The following CYBB variants were observed in gnomAD, a reference collection of about 807,000 sequenced individuals.
CYBB encodes NADPH oxidase 2.
In CYBB, 5 loss-of-function variants were observed where a neutral mutation model predicts 46.5. The ratio of observed to expected loss-of-function variants is 0.11; its 90% CI spans 0.06 to 0.23. The LOEUF is 0.23. Ranked by LOEUF, CYBB falls within the 10% of genes least tolerant of loss-of-function variation. The pLI, the probability that CYBB is intolerant of heterozygous loss-of-function variation, is 1.00. For synonymous variants in CYBB, 183 were observed against 156.7 expected (o/e 1.17, Z -1.26); for missense variants, 307 against 428.3 (o/e 0.72, Z 2.50).
chrX:37,792,804 A>G (rs1475567374), intron 4 of CYBB, among the ~76,000 whole-genome samples: 1 of 110,938 alleles, frequency 9.0e-6, no homozygotes, highest in East Asian at 2.8e-4. Context: ...CTCTTCTACT[A>G]GTAGATCTGG....
chrX:37,805,125 G>A lies in CYBB; in HGVS notation c.1271G>A (p.Trp424Ter), dbSNP rs2146818057. 1 of 1,211,181 alleles carries A rather than the reference G, an allele frequency of 8.3e-7. No homozygotes were observed. Among genetic ancestry groups the A allele is most frequent in the Non-Finnish European group, 1.1e-6 (1 of 895,142 alleles). The change falls in exon 10 of 13, where the codon TGG (tryptophan) becomes TAG (stop). Residue 424 changes from tryptophan to a stop codon, truncating the protein, a stop_gained. Transcript: ENST00000378588. LOFTEE classifies it high-confidence loss of function. The part of the protein sequence containing the change: ...TPFASILKSV[W>*]YKYCNNATNL... ...TTCGCATCCATTCTCAAGTCAGTCT[G>A]GTACAAATATTGCAATAACGCCACC... is the stretch of plus-strand genomic sequence containing the variant.
In CYBB at chrX:37,795,987, T is replaced by G; in HGVS notation, c.520T>G (p.Leu174Val). ...AGGCCTGTACCTGGCTGTGACCCTG[T>G]TGGCAGGCATCACTGGAGTTGTCAT... The part of the protein sequence containing the change: ...EGGLYLAVTL[L>V]AGITGVVITL... The change falls in exon 6 of 13, where the codon TTG becomes GTG. Residue 174 changes from leucine (L) to valine (V), a missense_variant. Physicochemically the swap from Leu to Val is conservative, Grantham distance 32 (BLOSUM62 1). Around this residue, in one of 3 missense-constraint regions of CYBB, gnomAD observed 103 missense variants for 150.2 expected, o/e 0.69. Transcript: ENST00000378588. 1 of 1,208,858 alleles carries G rather than the reference T, an allele frequency of 8.3e-7. No homozygotes were observed. Among genetic ancestry groups the G allele is most frequent in the Non-Finnish European group, 1.1e-6 (1 of 893,882 alleles).
chrX:37,788,388 C>T (rs1248565558), intron 3 of CYBB, among the ~76,000 whole-genome samples: 2 of 111,760 alleles, frequency 1.8e-5, no homozygotes, highest in Non-Finnish European at 1.9e-5. Context: ...ATGATCATCT[C>T]CAGTTCCAGG....
chrX:37,808,464 T>G (rs1556472352), intron 11 of CYBB, among the ~76,000 whole-genome samples: 2 of 112,210 alleles, frequency 1.8e-5, no homozygotes, highest in African/African-American at 6.5e-5. Flanking sequence ...CTGTAGCAAC[T>G]GGGCATACAT....
chrX:37,793,563 C>A, intron 4 of CYBB, 102 bp from the exon 5 acceptor site: 1 of 938,171 alleles, frequency 1.1e-6, no homozygotes, highest in Non-Finnish European at 1.5e-6. Flanking sequence ...CTTTGTCTCC[C>A]TGTGGCTTAT....
intron 8 of CYBB, among the ~76,000 whole-genome samples, chrX:37,801,876 A>C (rs1185002406): frequency 9.0e-6 from 1 of 110,762 alleles, no homozygotes; most frequent in Non-Finnish European, 1.9e-5. Context: ...TGAAGTGCCC[A>C]AAATTTCAAC....
Position 37,805,180 on chromosome X carries a change from C to A in CYBB, c.1314+12C>A, listed in dbSNP as rs782580197. 3 of 1,207,415 alleles carry A rather than the reference C, an allele frequency of 2.5e-6. No individual in the cohort carries two copies. The highest frequency in any genetic ancestry group is 5.9e-5 in the East Asian group (2 of 33,785). On this transcript the variant is annotated intron_variant, in intron 10 of 12. Transcript: ENST00000378588. ...TGAAGCTCAAAAAGGTAAGTCCTTT[C>A]ATTTATCGGAGGGCCTTAGAGCAGT...
chrX:37,791,652 A>C lies in CYBB; in HGVS notation c.253-323A>C, dbSNP rs34077421. ...AATGAGTAAATTAATCAGAACTAGA[A>C]ACTATGTAGCTAGATATGTTTTTTG... is the stretch of plus-strand genomic sequence containing the variant. On this transcript the variant is annotated intron_variant, in intron 3 of 12. Transcript: ENST00000378588. 6.3e-3 allele frequency among the ~76,000 whole-genome samples: 705 copies of C among 112,180 alleles called. 4 individuals carry two copies. The highest frequency in any genetic ancestry group is 0.022 in the African/African-American group (681 of 30,929).
chrX:37,809,742 G>A (rs1556472754), intron 12 of CYBB, 51 bp downstream of exon 12: 4 of 1,173,150 alleles, frequency 3.4e-6, no homozygotes, highest in African/African-American at 3.5e-5. Context: ...TGCCTAAAGC[G>A]GCAGCCCCTA....
At chrX:37,783,348 C>T (rs1928993731) in intron 2 of CYBB, 142 bp from the exon 3 acceptor site, 6 of 492,387 alleles carry the variant, frequency 1.2e-5, no homozygotes, top group South Asian at 5.6e-5. Context: ...TAAAGGAAAA[C>T]CGTTGGCTCT....
Position 37,795,877 on chromosome X carries a change from T to A in CYBB, c.484-74T>A, listed in dbSNP as rs1011068948. ...TCCTGCATTTGAGAACCTATAATAT[T>A]GTGCTTGCGCACATGTGTGTGTGTG... On this transcript the variant is annotated intron_variant, in intron 5 of 12. Transcript: ENST00000378588. The A allele has an allele frequency of 3.8e-6, 3 of 789,180 alleles. No individual in the cohort carries two copies. The African/African-American group carries it at 6.1e-5, about 16-fold the overall frequency. 65.0% of individuals were successfully genotyped at this position (789,180 alleles called of 1,213,427 possible). A position where few individuals can be genotyped will look rare whatever the true frequency, so the allele number is the denominator to read the frequency against.
chrX:37,806,896 C>CTCTGTGTG (rs782587393), intron 11 of CYBB, among the ~76,000 whole-genome samples: 24 of 106,388 alleles, frequency 2.3e-4, no homozygotes, highest in African/African-American at 8.0e-4. Context: ...CTCTCTGTCT[C>CTCTGTGTG]TGTGTGTGTG....
rs994561671 is a variant in CYBB, at chrX:37,791,900, T to C, written c.253-75T>C. The C allele has an allele frequency of 2.8e-5, 20 of 722,588 alleles. No individual in the cohort carries two copies. The African/African-American group carries it at 4.2e-4, about 15-fold the overall frequency. The allele number at this position is 722,588 out of a possible 1,213,427, so 59.5% of individuals were successfully genotyped here. ...GTCATGAAAATTAAATGAGATAATA[T>C]GTATCAAATGTTTGACACATAGCAA... On this transcript the variant is annotated intron_variant, in intron 3 of 12. Coordinates refer to ENST00000378588, the MANE Select transcript of CYBB (RefSeq NM_000397.4).
At chrX:37,793,606 T>C in intron 4 of CYBB, 59 bp from the exon 5 acceptor site, 1 of 1,164,420 alleles carries the variant, frequency 8.6e-7, no homozygotes, top group Non-Finnish European at 1.2e-6. Context: ...GAAACCCAGC[T>C]TACAATAAAT....
At chrX:37,799,779 T>A (rs907919852) in intron 7 of CYBB, among the ~76,000 whole-genome samples, 1 of 111,908 alleles carries the variant, frequency 8.9e-6, no homozygotes, top group African/African-American at 3.2e-5. Context: ...AATCTTCATA[T>A]CATTTTCCCC....
intron 3 of CYBB, among the ~76,000 whole-genome samples, chrX:37,789,478 A>G (rs964803738): frequency 1.4e-5 from 1 of 69,749 alleles, no homozygotes; most frequent in Non-Finnish European, 3.1e-5. Flanking sequence ...AAAGAAGGAA[A>G]GAAAGAAAGA....
At chrX:37,783,266 A>G (rs781988186) in intron 2 of CYBB, among the ~76,000 whole-genome samples, 3 of 112,029 alleles carry the variant, frequency 2.7e-5, no homozygotes, top group Non-Finnish European at 5.6e-5. Context: ...ATGTTTGAAC[A>G]TTTTAATAAT....
At chrX:37,789,680 A>G (rs1556466412) in intron 3 of CYBB, among the ~76,000 whole-genome samples, 1 of 111,931 alleles carries the variant, frequency 8.9e-6, no homozygotes, top group African/African-American at 3.2e-5. Context: ...TATATAAGAA[A>G]ACAAAGATGG....
Position 37,810,215 on chromosome X carries a change from C to T in CYBB, c.1586+524C>T, listed in dbSNP as rs191871820. 1.5e-4 allele frequency among the ~76,000 whole-genome samples: 17 copies of T among 111,946 alleles called. No individual in the cohort carries two copies. In the East Asian group the frequency reaches 3.9e-3, roughly 26 times the overall value. On this transcript the variant is annotated intron_variant, in intron 12 of 12. Coordinates refer to ENST00000378588, the MANE Select transcript of CYBB (RefSeq NM_000397.4). ...CTAAGAAACTCAAGAGATCACCATA[C>T]GTGTACCCTTCAGACTATTGCTTTT... is the stretch of plus-strand genomic sequence containing the variant.
Sources: allele counts gnomAD v4.1 joint callset (sites outside exome capture counted in the v4.1 genomes callset), GRCh38; gene constraint gnomAD v4.1.1; regional missense constraint gnomAD v4.1.1; transcripts MANE v1.5; gene names NCBI Gene and HGNC (gene_info 2026-07-23, HGNC 2026-07-21).